The following ZNF330 variants were observed in gnomAD, a reference collection of about 807,000 sequenced individuals.
ZNF330 encodes the protein zinc finger protein 330.
A neutral mutation model predicts 45.5 loss-of-function variants in ZNF330; 31 were observed. That is an observed-to-expected ratio of 0.68 (90% CI 0.51 to 0.92). The LOEUF is 0.92. ZNF330 is among the 40% of genes least tolerant of loss of function. The probability of loss-of-function intolerance (pLI) is 0.00; values close to 1 mark genes in which losing one functional copy is unlikely to be tolerated. For missense variants in ZNF330, 356 were observed against 387.4 expected, an observed-to-expected ratio of 0.92 and a Z score of 0.68; for synonymous variants, 138 against 123.2, an observed-to-expected ratio of 1.12 and a Z score of -0.79.
At chr4:141,232,002 C>T (rs1403877827) in intron 8 of ZNF330, among the ~76,000 whole-genome samples, 1 of 152,072 alleles carries the variant, frequency 6.6e-6, no homozygotes, top group Non-Finnish European at 1.5e-5. Context: ...CAGGCATTAT[C>T]TGTGTTTTCT....
At chr4:141,231,843 AG>A (rs1340298504) in intron 8 of ZNF330, among the ~76,000 whole-genome samples, 1 of 152,112 alleles carries the variant, frequency 6.6e-6, no homozygotes, top group Admixed American at 6.6e-5. Context: ...CTGTGTCCTT[AG>A]GCCTAGTCTC....
chr4:141,223,884 A>G, intron 2 of ZNF330: 4 of 445,188 alleles, frequency 9.0e-6, no homozygotes, highest in South Asian at 6.4e-5. Flanking sequence ...AAGTGTTCGA[A>G]TAAGTAAAGA....
At chr4:141,225,446 T>TG in intron 4 of ZNF330, among the ~76,000 whole-genome samples, 1 of 152,064 alleles carries the variant, frequency 6.6e-6, no homozygotes, top group Admixed American at 6.5e-5. Context: ...TCTGAAGACT[T>TG]GCAACAAAGA....
Position 141,225,606 on chromosome 4 carries a change from C to T in ZNF330, c.211+929C>T, listed in dbSNP as rs114893952. On this transcript the variant is annotated intron_variant, in intron 4 of 9. Transcript: ENST00000262990. ...AGTGTGTTTATATGTAATAATATTC[C>T]AGAAAGTTAGTAGTGTTTAGGGCTA... 6.7e-3 allele frequency among the ~76,000 whole-genome samples: 1,010 copies of T among 151,838 alleles called. 12 individuals are homozygous for T. Among genetic ancestry groups the T allele is most frequent in the African/African-American group, 0.023 (942 of 41,432 alleles).
Position 141,231,354 on chromosome 4 carries a change from G to A in ZNF330, c.524-85G>A, listed in dbSNP as rs569964402. ...GCTGTCTATAAGGCTATATTCCATTGCAAGCTTTTAGTGATTTGATAAAAG... is the reference window on the plus strand; with the variant it reads ...GCTGTCTATAAGGCTATATTCCATTACAAGCTTTTAGTGATTTGATAAAAG... On this transcript the variant is annotated intron_variant, in intron 7 of 9. Transcript: ENST00000262990. 3.8e-6 allele frequency: 5 copies of A among 1,307,652 alleles called. No homozygotes were observed. In the South Asian group the frequency reaches 5.7e-5, roughly 15 times the overall value. 81.0% of individuals were successfully genotyped at this position (1,307,652 alleles called of 1,614,324 possible).
rs72935060 is a variant in ZNF330, at chr4:141,231,498, G to T, written c.570+13G>T. The T allele has an allele frequency of 7.8e-5, 123 of 1,575,934 alleles. 1 individual carries two copies. Among genetic ancestry groups the T allele is most frequent in the Middle Eastern group, 3.4e-4 (2 of 5,952 alleles). Reference sequence around the variant, plus strand: ...TCTCCGTTGTAAGGTATACCAATGCGTTTTTTTCTTTTTAGATTTTGTTTT... The same window carrying T: ...TCTCCGTTGTAAGGTATACCAATGCTTTTTTTTCTTTTTAGATTTTGTTTT... On this transcript the variant is annotated intron_variant, in intron 8 of 9. Transcript: ENST00000262990.
At position 141,233,969 on chromosome 4, in the gene ZNF330, T is replaced by C. The variant is rs1729022091; in HGVS notation, c.943T>C (p.Tyr315His). 2.5e-6 allele frequency: 4 copies of C among 1,612,872 alleles called. No individual in the cohort carries two copies. In the African/African-American group the frequency reaches 5.3e-5, roughly 22 times the overall value. ...GACCTATGCTAGTGGCTATGCTCAC[T>C]ATGAGGAACAAGAGAACTAGGGGAG... ...GRTYASGYAHYEEQEN is the reference protein window; with the variant it reads ...GRTYASGYAHHEEQEN The change falls in exon 10 of 10, where the codon TAT (tyrosine) becomes CAT (histidine). Residue 315 changes from tyrosine (Y) to histidine (H), a missense_variant. Coordinates refer to ENST00000262990, the MANE Select transcript of ZNF330 (RefSeq NM_014487.6).
chr4:141,232,703 T>A, intron 9 of ZNF330, 61 bp downstream of exon 9: 4 of 308,724 alleles, frequency 1.3e-5, no homozygotes, highest in Non-Finnish European at 2.1e-5. Context: ...AAAGTTTATC[T>A]TTTTTTTTTT....
intron 2 of ZNF330, 34 bp downstream of exon 2, chr4:141,222,525 G>T: frequency 6.3e-7 from 1 of 1,599,212 alleles, no homozygotes; most frequent in South Asian, 1.1e-5. Context: ...TTGGTAGTTG[G>T]AAAAACTATA....
At chr4:141,227,498 A>C (rs1165811531) in intron 5 of ZNF330, among the ~76,000 whole-genome samples, 5 of 152,134 alleles carry the variant, frequency 3.3e-5, no homozygotes, top group Non-Finnish European at 5.9e-5. Flanking sequence ...ATAGTATTCC[A>C]TGGTGTATAT....
chr4:141,226,904 C>A, intron 5 of ZNF330, 58 bp downstream of exon 5: 1 of 1,365,916 alleles, frequency 7.3e-7, no homozygotes, highest in Admixed American at 1.9e-5. Context: ...AAATGTCATT[C>A]TGATCAGTGG....
intron 9 of ZNF330, 88 bp downstream of exon 9, chr4:141,232,730 T>A: frequency 1.6e-6 from 1 of 617,184 alleles, no homozygotes; most frequent in Non-Finnish European, 2.6e-6. Flanking sequence ...ATTTTTCTTA[T>A]TGCCTCTTCT....
In ZNF330 at chr4:141,222,413, C is replaced by T. The variant is rs751013524; in HGVS notation, c.42C>T (p.Asn14=). The T allele has an allele frequency of 6.2e-7, 1 of 1,613,622 alleles. No individual in the cohort carries two copies. Residue 14 remains asparagine, a synonymous_variant, in exon 2 of 10, where the codon AAC becomes AAT. Coordinates refer to ENST00000262990, the MANE Select transcript of ZNF330 (RefSeq NM_014487.6). ...CTGGTGCGAGGAAGAAGGCTGAGAA[C>T]CGCCGAGAACGTGAAAAACAACTAA... ...KKTGARKKAE[N]RREREKQLRA...
At chr4:141,230,405 G>GT (rs1330392090) in intron 7 of ZNF330, 135 bp downstream of exon 7, 5 of 564,650 alleles carry the variant, frequency 8.9e-6, no homozygotes, top group Non-Finnish European at 1.5e-5. Flanking sequence ...TTTATTTTCT[G>GT]TTTCTAGAAA....
chr4:141,229,209 CAAGA>C (rs1324551920), intron 5 of ZNF330, among the ~76,000 whole-genome samples: 4 of 151,370 alleles, frequency 2.6e-5, no homozygotes, highest in South Asian at 2.1e-4. Flanking sequence ...TTATTATAGA[CAAGA>C]AAGCTTAAGC....
chr4:141,234,245 GA>G lies in ZNF330; in HGVS notation c.*257del, dbSNP rs1729029355. ...AAGTATCATGGATTGGATTGTTACTGATTTCAGTAAAGTATGTTTTGCCAAT... is the reference window on the plus strand; with the variant it reads ...AAGTATCATGGATTGGATTGTTACTGTTTCAGTAAAGTATGTTTTGCCAAT... On this transcript the variant is annotated 3_prime_UTR_variant, in exon 10 of 10. Transcript: ENST00000262990. 6.4e-6 allele frequency: 3 copies of G among 469,016 alleles called. No individual in the cohort carries two copies. The highest frequency in any genetic ancestry group is 9.8e-6 in the Non-Finnish European group (3 of 306,012). The allele number at this position is 469,016 out of a possible 1,614,324, so 29.1% of individuals were successfully genotyped here.
chr4:141,231,306 C>G (rs942571146), intron 7 of ZNF330, 133 bp from the exon 8 acceptor site: 1 of 567,764 alleles, frequency 1.8e-6, no homozygotes, highest in African/African-American at 1.9e-5. Flanking sequence ...TGTTTTATAG[C>G]ATTTGAACCC....
At chr4:141,228,124 C>A (rs1728854989) in intron 5 of ZNF330, among the ~76,000 whole-genome samples, 1 of 152,090 alleles carries the variant, frequency 6.6e-6, no homozygotes. Context: ...TGATATATTT[C>A]ATATGTGCAT....
intron 2 of ZNF330, chr4:141,223,712 A>G: frequency 2.3e-6 from 1 of 444,134 alleles, no homozygotes. Context: ...GCCTAAATAT[A>G]TATAATGACA....
Sources: allele counts gnomAD v4.1 joint callset (sites outside exome capture counted in the v4.1 genomes callset), GRCh38; gene constraint gnomAD v4.1.1; transcripts MANE v1.5; gene names NCBI Gene and HGNC (gene_info 2026-07-23, HGNC 2026-07-21).